FAM220A: variants seen among roughly 807,000 people sequenced by gnomAD.
FAM220A encodes the protein family with sequence similarity 220 member A, also known as protein FAM220A.
For synonymous variants in FAM220A, 141 were observed against 130.7 expected (o/e 1.08, Z -0.54); for missense variants, 392 against 321.6 (o/e 1.22, Z -1.68).
At chr7:6,343,440 A>ATGATG (rs1167909634) in intron 1 of FAM220A, among the ~76,000 whole-genome samples, 1 of 119,756 alleles carries the variant, frequency 8.4e-6, no homozygotes, top group African/African-American at 3.1e-5. Flanking sequence ...ATATATATAT[A>ATGATG]TATATGATCT....
In FAM220A at chr7:6,330,493, G is replaced by A. The variant is rs765053848; in HGVS notation, c.662C>T (p.Ser221Leu). The change falls in exon 2 of 2, where the codon TCA (serine) becomes TTA (leucine). Residue 221 changes from serine to leucine, a missense_variant. Physicochemically the swap from Ser to Leu is moderately radical, Grantham distance 145. Transcript: ENST00000313324. Reference sequence around the variant, plus strand: ...TTTCTTGAATTCTATTGTTTGCTTTGAAAACATGGGCTTTAAACGGTCAAG... The same window carrying A: ...TTTCTTGAATTCTATTGTTTGCTTTAAAAACATGGGCTTTAAACGGTCAAG... ...IFLDRLKPMFSKQTIEFKKML... is the reference protein window; with the variant it reads ...IFLDRLKPMFLKQTIEFKKML... 4 of 1,614,142 alleles carry A rather than the reference G, an allele frequency of 2.5e-6. No individual in the cohort carries two copies. In the South Asian group the frequency reaches 4.4e-5, roughly 18 times the overall value.
chr7:6,340,457 G>A (rs78571853), intron 1 of FAM220A, among the ~76,000 whole-genome samples: 4,065 of 152,214 alleles, frequency 0.027, 202 homozygotes, highest in African/African-American at 0.093. Flanking sequence ...GGCAGAGGCC[G>A]TGCCATACCT....
chr7:6,337,100 C>G (rs1215590996), intron 1 of FAM220A, among the ~76,000 whole-genome samples: 7 of 148,144 alleles, frequency 4.7e-5, no homozygotes, highest in Non-Finnish European at 7.4e-5. Context: ...ACAAGAGTCT[C>G]TCTCTGTCTC....
chr7:6,330,387 T>C lies in FAM220A; in HGVS notation c.768A>G (p.Leu256=). ...TTCTGCTTGTACCTTAACTATGGCA[T>C]AATGTATTTGCTAATTCAAAAGGTT... ...ALQPFELANT[L]CHS is the part of the protein sequence containing the mutation. The change falls in exon 2 of 2, where the codon TTA becomes TTG. Residue 256 remains leucine, a synonymous_variant. Coordinates refer to ENST00000313324, the MANE Select transcript of FAM220A (RefSeq NM_001037163.2). 6.2e-7 allele frequency: 1 copy of C among 1,612,170 alleles called. No homozygotes were observed. The highest frequency in any genetic ancestry group is 2.2e-5 in the East Asian group (1 of 44,862).
At chr7:6,339,633 G>A (rs1474993542) in intron 1 of FAM220A, among the ~76,000 whole-genome samples, 4 of 150,548 alleles carry the variant, frequency 2.7e-5, no homozygotes, top group Non-Finnish European at 3.0e-5. Flanking sequence ...ACAGGCGCCC[G>A]CCACCACGCC....
At chr7:6,347,562 C>A (rs1384756983) in intron 1 of FAM220A, among the ~76,000 whole-genome samples, 1 of 151,920 alleles carries the variant, frequency 6.6e-6, no homozygotes, top group Non-Finnish European at 1.5e-5. Flanking sequence ...AAGGCGGTCT[C>A]CAGGGTGCTG....
intron 1 of FAM220A, among the ~76,000 whole-genome samples, chr7:6,347,527 A>G (rs1781976429): frequency 6.6e-6 from 1 of 151,932 alleles, no homozygotes; most frequent in Non-Finnish European, 1.5e-5. Flanking sequence ...GAAAAAAAAA[A>G]AAGAGATACC....
intron 1 of FAM220A, among the ~76,000 whole-genome samples, chr7:6,346,002 C>G (rs576346191): frequency 5.9e-5 from 9 of 152,238 alleles, no homozygotes; most frequent in African/African-American, 2.2e-4. Context: ...CTCCTGACCT[C>G]AAGTGATCCG....
chr7:6,334,345 G>A (rs990798778), intron 1 of FAM220A, among the ~76,000 whole-genome samples: 1 of 151,382 alleles, frequency 6.6e-6, no homozygotes, highest in Non-Finnish European at 1.5e-5. Flanking sequence ...AGACCAGCCT[G>A]AACAACATGG....
chr7:6,344,050 T>C (rs1469470768), intron 1 of FAM220A, among the ~76,000 whole-genome samples: 2 of 151,806 alleles, frequency 1.3e-5, no homozygotes, highest in Non-Finnish European at 2.9e-5. Context: ...TACATTCAAC[T>C]AACTTTTAAT....
intron 1 of FAM220A, among the ~76,000 whole-genome samples, chr7:6,344,672 GACTCCCA>G (rs1394497421): frequency 1.3e-5 from 2 of 152,034 alleles, no homozygotes; most frequent in Non-Finnish European, 2.9e-5. Context: ...TCCCACCTTG[GACTCCCA>G]AAGTGCTGGG....
At chr7:6,348,218 T>C (rs1389227719) in intron 1 of FAM220A, among the ~76,000 whole-genome samples, 1 of 123,778 alleles carries the variant, frequency 8.1e-6, no homozygotes, top group African/African-American at 3.0e-5. Flanking sequence ...GACCCGTCTT[T>C]ACAATTAAAA....
At chr7:6,345,006 G>C (rs1781929321) in intron 1 of FAM220A, among the ~76,000 whole-genome samples, 1 of 152,160 alleles carries the variant, frequency 6.6e-6, no homozygotes, top group Non-Finnish European at 1.5e-5. Flanking sequence ...CTCTCAAAGT[G>C]CTGGGATTTA....
chr7:6,344,737 A>T (rs73060724), intron 1 of FAM220A, among the ~76,000 whole-genome samples: 2,981 of 151,092 alleles, frequency 0.02, 53 homozygotes, highest in East Asian at 0.054. Context: ...TCTTTTTTTT[A>T]AATTTTATTA....
chr7:6,336,232 G>A (rs887039730), intron 1 of FAM220A, among the ~76,000 whole-genome samples: 1 of 151,454 alleles, frequency 6.6e-6, no homozygotes, highest in African/African-American at 2.4e-5. Flanking sequence ...TGTAGTCCCA[G>A]TCACTTGAGA....
intron 1 of FAM220A, among the ~76,000 whole-genome samples, chr7:6,335,491 G>A (rs1286527444): frequency 6.6e-6 from 1 of 152,016 alleles, no homozygotes; most frequent in African/African-American, 2.4e-5. Context: ...GCCTCCCAAA[G>A]TGTTGGGACT....
chr7:6,336,663 G>A (rs536062882), intron 1 of FAM220A, among the ~76,000 whole-genome samples: 1 of 149,162 alleles, frequency 6.7e-6, no homozygotes, highest in Non-Finnish European at 1.5e-5. Flanking sequence ...CAGCCTGAGA[G>A]AGCGAGCAAG....
In FAM220A at chr7:6,330,076, C is replaced by A; in HGVS notation, c.*299G>T. On this transcript the variant is annotated 3_prime_UTR_variant, in exon 2 of 2. Transcript: ENST00000313324. The stretch of plus-strand genomic sequence containing the variant: ...AGCCCTTTAGAATGGATGTTGAAGA[C>A]AGAACTTCATGGTAAATCCGTATGT... The A allele has an allele frequency of 2.9e-6, 1 of 347,536 alleles. No homozygotes were observed. 21.5% of individuals were successfully genotyped at this position (347,536 alleles called of 1,614,324 possible). A position where few individuals can be genotyped will look rare whatever the true frequency, so the allele number is the denominator to read the frequency against.
rs558391594 is a variant in FAM220A, at chr7:6,345,161, A to G, written c.-82+3412T>C. Among the ~76,000 whole-genome samples the G allele has an allele frequency of 1.5e-3, 229 of 152,212 alleles. 1 individual carries two copies. The highest frequency in any genetic ancestry group is 2.5e-3 in the South Asian group (12 of 4,828). ...GAGACAGAGTCTCACTCTGTTGCCC[A>G]GGCTGGTGTGCAGCATCATGATCAC... On this transcript the variant is annotated intron_variant, in intron 1 of 1. Transcript: ENST00000313324.
Sources: allele counts gnomAD v4.1 joint callset (sites outside exome capture counted in the v4.1 genomes callset), GRCh38; gene constraint gnomAD v4.1.1; transcripts MANE v1.5; gene names NCBI Gene and HGNC (gene_info 2026-07-23, HGNC 2026-07-21).